Variants in SCLT1 observed in about 807,000 individuals in gnomAD.
The protein encoded by SCLT1 is sodium channel-associated protein 1.
A neutral mutation model predicts 112.8 loss-of-function variants in SCLT1; 78 were observed. That is an observed-to-expected ratio of 0.69 (90% CI 0.58 to 0.83). The LOEUF (loss-of-function observed/expected upper bound fraction) is 0.83. SCLT1 is among the 40% of genes least tolerant of loss of function. The pLI is 0.00. For synonymous variants in SCLT1, 257 were observed against 254.7 expected (o/e 1.01, Z -0.09); for missense variants, 747 against 770.4 (o/e 0.97, Z 0.36).
chr4:129,032,311 T>C (rs955258922), intron 5 of SCLT1, among the ~76,000 whole-genome samples: 5 of 152,126 alleles, frequency 3.3e-5, no homozygotes, highest in African/African-American at 9.7e-5. Flanking sequence ...ACTGGACCCC[T>C]TCCTTACACC....
intron 18 of SCLT1, among the ~76,000 whole-genome samples, chr4:128,927,975 A>G (rs1736434477): frequency 6.6e-6 from 1 of 152,090 alleles, no homozygotes; most frequent in African/African-American, 2.4e-5. Context: ...AAAACATCCA[A>G]AAATACTAAA....
chr4:129,046,194 C>T (rs928780866), intron 2 of SCLT1, among the ~76,000 whole-genome samples: 4 of 152,034 alleles, frequency 2.6e-5, no homozygotes, highest in Admixed American at 1.3e-4. Context: ...TATTGGTATA[C>T]GTGTCTTCAT....
At chr4:128,953,105 T>C (rs868209619) in intron 13 of SCLT1, among the ~76,000 whole-genome samples, 73 of 152,266 alleles carry the variant, frequency 4.8e-4, no homozygotes, top group African/African-American at 1.7e-3. Context: ...AAAAAAGATC[T>C]TTTGCTTATA....
Position 129,049,706 on chromosome 4 carries a change from T to TA in SCLT1, c.103-5656dup, listed in dbSNP as rs201216763. 4.3e-3 allele frequency among the ~76,000 whole-genome samples: 648 copies of TA among 152,124 alleles called. 6 individuals carry two copies. The highest frequency in any genetic ancestry group is 0.014 in the African/African-American group (584 of 41,496). Reference sequence around the variant, plus strand: ...TTTCCAGCACTATTTCTTTTTTTTTTATTTGCAGTTGGCAGTTTTTTAATT... The same window carrying TA: ...TTTCCAGCACTATTTCTTTTTTTTTTAATTTGCAGTTGGCAGTTTTTTAATT... On this transcript the variant is annotated intron_variant, in intron 2 of 20. Transcript: ENST00000281142.
chr4:128,943,591 GACTATATT>G (rs1737897619), intron 16 of SCLT1, among the ~76,000 whole-genome samples: 1 of 151,986 alleles, frequency 6.6e-6, no homozygotes, highest in Non-Finnish European at 1.5e-5. Context: ...CACAATAGCT[GACTATATT>G]ACTAAATTAT....
chr4:128,884,525 T>G lies in SCLT1; in HGVS notation c.2019A>C (p.Thr673=). 6.2e-7 allele frequency: 1 copy of G among 1,601,196 alleles called. No individual in the cohort carries two copies. Among genetic ancestry groups the G allele is most frequent in the Non-Finnish European group, 8.6e-7 (1 of 1,169,102 alleles). The change falls in exon 21 of 21, where the codon ACA becomes ACC. Residue 673 remains threonine, a synonymous_variant. Transcript: ENST00000281142. ...GGGAGGCTGCTTTTCTTCTCTGCAC[T>G]GTAATCACACTGAGCTGCAATTAAA... ...ASASQQLSVI[T]VQRRKAASLM... is the part of the protein sequence containing the mutation.
chr4:128,899,458 T>C (rs190879072), intron 18 of SCLT1, among the ~76,000 whole-genome samples: 1,663 of 152,244 alleles, frequency 0.011, 21 homozygotes, highest in African/African-American at 0.037. Context: ...GAAAAGGCCT[T>C]TGACAAAATT....
chr4:128,902,170 G>T (rs1579327461), intron 18 of SCLT1, among the ~76,000 whole-genome samples: 1 of 152,162 alleles, frequency 6.6e-6, no homozygotes, highest in East Asian at 1.9e-4. Flanking sequence ...TTCCCAAAGT[G>T]CTGGGATTAT....
intron 9 of SCLT1, among the ~76,000 whole-genome samples, chr4:128,986,829 G>A (rs1326827168): frequency 6.6e-6 from 1 of 152,154 alleles, no homozygotes; most frequent in Non-Finnish European, 1.5e-5. Flanking sequence ...CAGGCCTTGG[G>A]TTAGCCCCGG....
intron 9 of SCLT1, among the ~76,000 whole-genome samples, chr4:128,977,899 G>A (rs960762908): frequency 3.3e-5 from 5 of 152,046 alleles, no homozygotes; most frequent in African/African-American, 1.2e-4. Flanking sequence ...AATGAATTGC[G>A]ATGGAATAAG....
intron 18 of SCLT1, among the ~76,000 whole-genome samples, chr4:128,899,261 T>C (rs1230063534): frequency 6.6e-6 from 1 of 152,208 alleles, no homozygotes; most frequent in African/African-American, 2.4e-5. Context: ...TGAACATCGA[T>C]GCAAAAATCC....
At chr4:129,007,012 A>G (rs923810271) in intron 5 of SCLT1, among the ~76,000 whole-genome samples, 4 of 152,218 alleles carry the variant, frequency 2.6e-5, no homozygotes, top group African/African-American at 9.6e-5. Context: ...TGTGAGTAAC[A>G]TTTAGAGGCA....
chr4:128,933,772 C>G (rs1467622870), intron 18 of SCLT1, among the ~76,000 whole-genome samples: 1 of 152,004 alleles, frequency 6.6e-6, no homozygotes, highest in African/African-American at 2.4e-5. Flanking sequence ...ATTTGAGTTT[C>G]TTCTCTTTTA....
At position 129,029,659 on chromosome 4, in the gene SCLT1, CTAAAACT is replaced by C. The variant is rs576848176; in HGVS notation, c.290+9375_290+9381del. Among the ~76,000 whole-genome samples, 1,202 of 151,790 alleles carry C rather than the reference CTAAAACT, an allele frequency of 7.9e-3. 25 individuals carry two copies. The highest frequency in any genetic ancestry group is 0.028 in the African/African-American group (1,154 of 41,382). The stretch of plus-strand genomic sequence containing the variant: ...AATCTGCACATTGTGCACATGTACC[CTAAAACT>C]TAAAAGTATAATAATAATAAACAAA... On this transcript the variant is annotated intron_variant, in intron 5 of 20. Coordinates refer to ENST00000281142, the MANE Select transcript of SCLT1 (RefSeq NM_144643.4).
chr4:128,917,867 C>T (rs1171678010), intron 18 of SCLT1, among the ~76,000 whole-genome samples: 1 of 151,964 alleles, frequency 6.6e-6, no homozygotes, highest in Non-Finnish European at 1.5e-5. Context: ...GTGGAGAGAT[C>T]CTCTCCATCG....
chr4:128,982,738 G>A (rs1198037617), intron 9 of SCLT1, among the ~76,000 whole-genome samples: 1 of 152,122 alleles, frequency 6.6e-6, no homozygotes, highest in Non-Finnish European at 1.5e-5. Flanking sequence ...CTGACCTCAG[G>A]TGATCCACCC....
chr4:129,005,933 G>A (rs186783907), intron 5 of SCLT1, among the ~76,000 whole-genome samples: 171 of 147,570 alleles, frequency 1.2e-3, no homozygotes, highest in Non-Finnish European at 1.7e-3. Context: ...ACCAAACACC[G>A]CATATTCTCA....
chr4:128,926,770 C>G (rs1308747134), intron 18 of SCLT1, among the ~76,000 whole-genome samples: 1 of 151,622 alleles, frequency 6.6e-6, no homozygotes, highest in African/African-American at 2.4e-5. Flanking sequence ...ATATTTTTTA[C>G]TAAATGAATA....
chr4:129,035,460 A>G (rs1747096911), intron 5 of SCLT1, among the ~76,000 whole-genome samples: 1 of 152,048 alleles, frequency 6.6e-6, no homozygotes, highest in African/African-American at 2.4e-5. Context: ...ATGACTTATT[A>G]CCTCAGGTTA....
Sources: allele counts gnomAD v4.1 joint callset (sites outside exome capture counted in the v4.1 genomes callset), GRCh38; gene constraint gnomAD v4.1.1; transcripts MANE v1.5; gene names NCBI Gene and HGNC (gene_info 2026-07-23, HGNC 2026-07-21).